Variants in MTOR observed in about 807,000 individuals in gnomAD.
MTOR encodes serine/threonine-protein kinase mTOR.
In MTOR, 70 loss-of-function variants were observed where a neutral mutation model predicts 319.8. The ratio of observed to expected loss-of-function variants is 0.22; its 90% CI spans 0.18 to 0.27. The LOEUF (loss-of-function observed/expected upper bound fraction) is 0.27, where lower values mean the gene tolerates loss of function less well. Among genes scored for constraint, MTOR ranks in the 10% least tolerant of loss-of-function variants. MTOR has a pLI of 1.00. For missense variants in MTOR, 1,890 were observed against 3,274.4 expected (o/e 0.58, Z 10.32); for synonymous variants, 1,183 against 1,211.4 (o/e 0.98, Z 0.49).
chr1:11,238,629 G>T lies in MTOR; in HGVS notation c.1787-12C>A. On this transcript the variant is annotated splice_polypyrimidine_tract_variant and intron_variant, in intron 11 of 57. Coordinates refer to ENST00000361445, the MANE Select transcript of MTOR (RefSeq NM_004958.4). Reference sequence around the variant, plus strand: ...GGTCAGAGAGTGGCCTGGATAGAAAGGCAGAGAGAAAACAGAATAAACACT... The same window carrying T: ...GGTCAGAGAGTGGCCTGGATAGAAATGCAGAGAGAAAACAGAATAAACACT... The T allele has an allele frequency of 6.3e-7, 1 of 1,597,964 alleles. No homozygotes were observed. Among genetic ancestry groups the T allele is most frequent in the Non-Finnish European group, 8.6e-7 (1 of 1,168,180 alleles).
rs778886695 is a variant in MTOR at position 11,253,991 on chromosome 1, G to T, written c.706-18C>A. 93 of 1,613,990 alleles carry T rather than the reference G, an allele frequency of 5.8e-5. 1 individual carries two copies. In the South Asian group the frequency reaches 8.3e-4, roughly 14 times the overall value. The stretch of plus-strand genomic sequence containing the variant: ...AATGTGTGCTATGTAGAGAGACAGG[G>T]TGCCTTCATTAGAGACAGAGTACAA... On this transcript the variant is annotated intron_variant, in intron 5 of 57. Transcript: ENST00000361445.
chr1:11,225,687 G>A (rs574738309), intron 19 of MTOR, among the ~76,000 whole-genome samples: 251 of 152,260 alleles, frequency 1.6e-3, no homozygotes, highest in Non-Finnish European at 2.7e-3. Flanking sequence ...CTCCCAAAGT[G>A]CTGGGATTAT....
intron 45 of MTOR, 58 bp from the exon 46 acceptor site, chr1:11,126,854 A>G: frequency 6.3e-7 from 1 of 1,589,658 alleles, no homozygotes; most frequent in Non-Finnish European, 8.6e-7. Context: ...TTTAAACGCA[A>G]TTTAAGTATT....
intron 28 of MTOR, among the ~76,000 whole-genome samples, chr1:11,182,143 G>C (rs747194516): frequency 6.6e-6 from 1 of 152,098 alleles, no homozygotes; most frequent in African/African-American, 2.4e-5. Context: ...CTTGAACCTG[G>C]GAGGCGGAGG....
At chr1:11,234,666 A>G (rs1647135817) in intron 13 of MTOR, among the ~76,000 whole-genome samples, 1 of 152,206 alleles carries the variant, frequency 6.6e-6, no homozygotes, top group Non-Finnish European at 1.5e-5. Context: ...CCAGACAGCA[A>G]ATTACTGAAG....
At chr1:11,257,396 A>G (rs1228565752) in intron 3 of MTOR, among the ~76,000 whole-genome samples, 6 of 150,762 alleles carry the variant, frequency 4.0e-5, no homozygotes, top group South Asian at 2.1e-4. Context: ...AAAAAAAAAA[A>G]AAAAGAAAAC....
At chr1:11,112,189 C>T (rs780814999) in intron 54 of MTOR, among the ~76,000 whole-genome samples, 3 of 152,146 alleles carry the variant, frequency 2.0e-5, no homozygotes, top group South Asian at 2.1e-4. Context: ...TCCAGGGTTC[C>T]TCCCAGCAAC....
At chr1:11,218,161 G>A (rs1178122213) in intron 19 of MTOR, among the ~76,000 whole-genome samples, 2 of 152,154 alleles carry the variant, frequency 1.3e-5, no homozygotes, top group Non-Finnish European at 2.9e-5. Flanking sequence ...GCCGGGCGCG[G>A]TGGTTCACGC....
intron 28 of MTOR, among the ~76,000 whole-genome samples, chr1:11,169,693 T>G (rs118179189): frequency 0.011 from 1,703 of 152,358 alleles, 66 homozygotes; most frequent in South Asian, 0.066. Context: ...GTTTCAAAAA[T>G]TTTAATTTTT....
chr1:11,140,015 G>A (rs1643616217), intron 34 of MTOR, among the ~76,000 whole-genome samples: 1 of 152,046 alleles, frequency 6.6e-6, no homozygotes, highest in Non-Finnish European at 1.5e-5. Context: ...AATAGAGATG[G>A]TGTTTCACCA....
Position 11,237,987 on chromosome 1 carries a change from G to C in MTOR, c.2064C>G (p.Ala688=). The part of the protein sequence containing the change: ...SLDERFDAHL[A]QAENLQALFV... ...ACAAGGCCTGCAAGTTCTCCGCCTG[G>C]GCCAGGTGTGCATCAAAGCGCTCGT... The change falls in exon 13 of 58, where the codon GCC becomes GCG. Residue 688 remains alanine (A), a synonymous_variant. Transcript: ENST00000361445. 6.2e-7 allele frequency: 1 copy of C among 1,614,210 alleles called. No homozygotes were observed. The highest frequency in any genetic ancestry group is 8.5e-7 in the Non-Finnish European group (1 of 1,180,040).
chr1:11,207,081 T>C (rs889062824), intron 25 of MTOR, among the ~76,000 whole-genome samples: 1 of 152,154 alleles, frequency 6.6e-6, no homozygotes, highest in African/African-American at 2.4e-5. Context: ...TTCTGAACAA[T>C]GAGGTCTGCT....
chr1:11,150,511 A>T (rs900111967), intron 30 of MTOR, among the ~76,000 whole-genome samples: 1 of 152,114 alleles, frequency 6.6e-6, no homozygotes, highest in African/African-American at 2.4e-5. Context: ...ATATTAAATA[A>T]CTTCTCTCCT....
At position 11,129,919 on chromosome 1, in the gene MTOR, T is replaced by C; in HGVS notation, c.5614-81A>G. On this transcript the variant is annotated intron_variant, in intron 39 of 57. Transcript: ENST00000361445. This position sits in a 1 kb window ranked among gnomAD's most constrained non-coding sequence, Gnocchi z 4.7. ...AATGGGCATAAGAGCATACTAACTG[T>C]ACCTACTTCAAAGGGTGGTTATAAC... 9 of 1,183,706 alleles carry C rather than the reference T, an allele frequency of 7.6e-6. 1 individual carries two copies. The Middle Eastern group carries it at 1.7e-3, about 230-fold the overall frequency. 73.3% of individuals were successfully genotyped at this position (1,183,706 alleles called of 1,614,324 possible). A position where few individuals can be genotyped will look rare whatever the true frequency, so the allele number is the denominator to read the frequency against.
At position 11,107,216 on chromosome 1, in the gene MTOR, C is replaced by A; in HGVS notation, c.*269G>T. 7.1e-7 allele frequency: 1 copy of A among 1,400,946 alleles called. No homozygotes were observed. The highest frequency in any genetic ancestry group is 9.4e-7 in the Non-Finnish European group (1 of 1,068,204). The allele number at this position is 1,400,946 out of a possible 1,614,324, so 86.8% of individuals were successfully genotyped here. A position where few individuals can be genotyped will look rare whatever the true frequency, so the allele number is the denominator to read the frequency against. On this transcript the variant is annotated 3_prime_UTR_variant, in exon 58 of 58. Transcript: ENST00000361445. ...TTTCTAAAGTTATGGATCTTCTGTT[C>A]CCCAAAATGAATGGCTTGATTTACG...
At chr1:11,183,688 C>T (rs1205247988) in intron 28 of MTOR, among the ~76,000 whole-genome samples, 6 of 152,118 alleles carry the variant, frequency 3.9e-5, no homozygotes, top group South Asian at 2.1e-4. Context: ...TAATCTCCTA[C>T]GTTATCCTCT....
In MTOR at chr1:11,106,870, G is replaced by C. The variant is rs186261492; in HGVS notation, c.*615C>G. ...GATCTGAATAAACCTCCCTACTAGC[G>C]GTCAGGTCTTGAATTGAAGCGTGTG... On this transcript the variant is annotated 3_prime_UTR_variant, in exon 58 of 58. Coordinates refer to ENST00000361445, the MANE Select transcript of MTOR (RefSeq NM_004958.4). The C allele has an allele frequency of 4.5e-6, 6 of 1,343,992 alleles. No homozygotes were observed. The African/African-American group carries it at 7.2e-5, about 16-fold the overall frequency. 83.3% of individuals were successfully genotyped at this position (1,343,992 alleles called of 1,614,324 possible).
At chr1:11,201,869 C>T (rs982243253) in intron 26 of MTOR, among the ~76,000 whole-genome samples, 1 of 152,170 alleles carries the variant, frequency 6.6e-6, no homozygotes, top group Non-Finnish European at 1.5e-5. Context: ...TGCAGGGGCA[C>T]GATTGTGGCT....
At chr1:11,254,181 C>T (rs1437926262) in intron 5 of MTOR, among the ~76,000 whole-genome samples, 1 of 151,998 alleles carries the variant, frequency 6.6e-6, no homozygotes, top group Admixed American at 6.5e-5. Context: ...GCTCTATTGC[C>T]CAGGCTGGAG....
Sources: gnomAD v4.1 joint callset for allele counts (sites outside exome capture counted in the v4.1 genomes callset) on GRCh38, gnomAD v4.1.1 for gene constraint, Gnocchi (gnomAD v3.1) non-coding constraint, MANE v1.5 for transcripts, NCBI Gene and HGNC (gene_info 2026-07-23, HGNC 2026-07-21) for gene names.